The following DYNC1I1 variants were observed in gnomAD, a reference collection of about 807,000 sequenced individuals.
DYNC1I1 encodes the protein cytoplasmic dynein 1 intermediate chain 1.
In DYNC1I1, 43 loss-of-function variants were observed where a neutral mutation model predicts 86.6. The observed-to-expected ratio is 0.50, with a 90% CI of 0.39 to 0.64. The LOEUF (loss-of-function observed/expected upper bound fraction) is 0.64. Ranked by LOEUF, DYNC1I1 falls within the 30% of genes least tolerant of loss-of-function variation. The probability of loss-of-function intolerance (pLI) is 0.00; values close to 1 mark genes in which losing one functional copy is unlikely to be tolerated. For missense variants in DYNC1I1, 604 were observed against 788.8 expected (o/e 0.77, Z 2.81); for synonymous variants, 262 against 283.7 (o/e 0.92, Z 0.77).
intron 13 of DYNC1I1, 31 bp downstream of exon 13, chr7:96,035,783 G>T: frequency 6.2e-7 from 1 of 1,606,566 alleles, no homozygotes; most frequent in Non-Finnish European, 8.5e-7. Context: ...CTGATGACAT[G>T]TTCTTCATTT....
intron 6 of DYNC1I1, among the ~76,000 whole-genome samples, chr7:95,925,241 TG>T (rs1456488279): frequency 6.6e-6 from 1 of 152,178 alleles, no homozygotes; most frequent in Admixed American, 6.5e-5. Context: ...AGTACATGTT[TG>T]GATGTTCACC....
chr7:96,020,788 A>G (rs572873477), intron 10 of DYNC1I1, among the ~76,000 whole-genome samples: 17 of 152,334 alleles, frequency 1.1e-4, no homozygotes, highest in African/African-American at 4.1e-4. Context: ...TGGTTTATGC[A>G]TGCAATGGAA....
intron 1 of DYNC1I1, among the ~76,000 whole-genome samples, chr7:95,799,960 AGG>A (rs1794539158): frequency 6.6e-6 from 1 of 151,518 alleles, no homozygotes; most frequent in South Asian, 2.1e-4. Flanking sequence ...GAAGAGGAGG[AGG>A]AGGAGAAGGA....
chr7:95,951,832 C>T lies in DYNC1I1; in HGVS notation c.491-25680C>T, dbSNP rs151050492. On this transcript the variant is annotated intron_variant, in intron 6 of 16. Coordinates refer to ENST00000447467, the MANE Select transcript of DYNC1I1 (RefSeq NM_001135556.2). ...ATGCTTCTTACCTTGGAGACTTCAT[C>T]AGACTCTCAGCCAAGTCAAGGTCAG... is the stretch of plus-strand genomic sequence containing the variant. Among the ~76,000 whole-genome samples the T allele has an allele frequency of 3.9e-5, 6 of 152,288 alleles. No homozygotes were observed. The East Asian group carries it at 7.8e-4, about 20-fold the overall frequency.
At chr7:95,810,347 C>G in intron 2 of DYNC1I1, 45 bp from the exon 3 acceptor site, 1 of 1,506,442 alleles carries the variant, frequency 6.6e-7, no homozygotes, top group Non-Finnish European at 9.0e-7. Context: ...GAAAAGCATA[C>G]ATTTAGTTAT....
chr7:96,072,006 C>A (rs538144824), intron 14 of DYNC1I1, among the ~76,000 whole-genome samples: 87 of 152,204 alleles, frequency 5.7e-4, no homozygotes, highest in Non-Finnish European at 1.0e-3. Flanking sequence ...TACCACTTAA[C>A]AACCTTTGTG....
At chr7:95,882,521 C>T (rs1790482116) in intron 6 of DYNC1I1, among the ~76,000 whole-genome samples, 1 of 152,176 alleles carries the variant, frequency 6.6e-6, no homozygotes, top group African/African-American at 2.4e-5. Context: ...TAAATAGTGT[C>T]CCCATCATCT....
At chr7:95,828,189 G>A in intron 5 of DYNC1I1, 73 bp downstream of exon 5, 1 of 1,548,294 alleles carries the variant, frequency 6.5e-7, no homozygotes, top group Non-Finnish European at 8.9e-7. Flanking sequence ...TGGAGCTGTT[G>A]TTGCTCTTGT....
At chr7:95,897,264 TAG>T (rs1790906530) in intron 6 of DYNC1I1, among the ~76,000 whole-genome samples, 1 of 152,190 alleles carries the variant, frequency 6.6e-6, no homozygotes, top group South Asian at 2.1e-4. Flanking sequence ...TTGAACTTTA[TAG>T]AAAGGCACTT....
intron 10 of DYNC1I1, among the ~76,000 whole-genome samples, chr7:96,013,891 T>A (rs1021670137): frequency 6.6e-6 from 1 of 152,178 alleles, no homozygotes; most frequent in African/African-American, 2.4e-5. Flanking sequence ...ATTGTACCCA[T>A]GAAGAAATTA....
At chr7:95,796,458 A>G (rs1327268979) in intron 1 of DYNC1I1, among the ~76,000 whole-genome samples, 2 of 152,060 alleles carry the variant, frequency 1.3e-5, no homozygotes, top group East Asian at 3.9e-4. Context: ...TTACAGGCGC[A>G]TGCCACCATG....
chr7:95,948,895 G>A (rs1459014426), intron 6 of DYNC1I1, among the ~76,000 whole-genome samples: 1 of 152,212 alleles, frequency 6.6e-6, no homozygotes, highest in Non-Finnish European at 1.5e-5. Flanking sequence ...CAGATAGGCA[G>A]TTAGCTTTAT....
At chr7:95,898,449 A>G (rs773110028) in intron 6 of DYNC1I1, among the ~76,000 whole-genome samples, 65 of 152,094 alleles carry the variant, frequency 4.3e-4, no homozygotes, top group Non-Finnish European at 8.4e-4. Context: ...GTTCCCCCAT[A>G]TGCTATTTAC....
In DYNC1I1 at chr7:95,831,387, T is replaced by C. The variant is rs548111368; in HGVS notation, c.374+3271T>C. 9.2e-5 allele frequency among the ~76,000 whole-genome samples: 14 copies of C among 152,284 alleles called. No homozygotes were observed. The South Asian group carries it at 2.9e-3, about 32-fold the overall frequency. On this transcript the variant is annotated intron_variant, in intron 5 of 16. Transcript: ENST00000447467. Reference sequence around the variant, plus strand: ...GGAGGAGATTTTTTGCTTTGTTTTATTTTGAGACAGAGTCTCACTCTGTCA... The same window carrying C: ...GGAGGAGATTTTTTGCTTTGTTTTACTTTGAGACAGAGTCTCACTCTGTCA...
chr7:95,895,373 C>T (rs1182101330), intron 6 of DYNC1I1, among the ~76,000 whole-genome samples: 2 of 152,200 alleles, frequency 1.3e-5, no homozygotes, highest in Non-Finnish European at 2.9e-5. Flanking sequence ...AAATGCCAAA[C>T]AACCATAGAA....
At chr7:95,956,380 C>CT (rs57664357) in intron 6 of DYNC1I1, among the ~76,000 whole-genome samples, 20,154 of 139,974 alleles carry the variant, frequency 0.14, 1,540 homozygotes, top group East Asian at 0.31. Flanking sequence ...CTTTTTTTCT[C>CT]TTTTTTTTTT....
rs567862057 is a variant in DYNC1I1, at chr7:95,919,028, CT to C, written c.490+49034del. ...GGGAGGGACACTGAAGAAGTTGTTC[CT>C]TTTGTACAGAGTAGGCAACTCAGAA... On this transcript the variant is annotated intron_variant, in intron 6 of 16. Coordinates refer to ENST00000447467, the MANE Select transcript of DYNC1I1 (RefSeq NM_001135556.2). Among the ~76,000 whole-genome samples, 188 of 152,034 alleles carry C rather than the reference CT, an allele frequency of 1.2e-3. 1 individual carries two copies. The highest frequency in any genetic ancestry group is 4.2e-3 in the African/African-American group (173 of 41,382).
In DYNC1I1 at chr7:96,050,458, T is replaced by C. The variant is rs188152595; in HGVS notation, c.1509+11037T>C. 3.3e-3 allele frequency among the ~76,000 whole-genome samples: 498 copies of C among 152,352 alleles called. 2 individuals are homozygous for C. The highest frequency in any genetic ancestry group is 0.011 in the African/African-American group (467 of 41,586). Reference sequence around the variant, plus strand: ...TTAGAGAAAATGCAATCATTGTCAATTCTCTTTGTGATTTGAATAGTTAAT... The same window carrying C: ...TTAGAGAAAATGCAATCATTGTCAACTCTCTTTGTGATTTGAATAGTTAAT... On this transcript the variant is annotated intron_variant, in intron 14 of 16. Transcript: ENST00000447467.
At chr7:95,775,966 C>G (rs1367808155) in intron 1 of DYNC1I1, among the ~76,000 whole-genome samples, 1 of 152,156 alleles carries the variant, frequency 6.6e-6, no homozygotes, top group East Asian at 1.9e-4. Context: ...TTCCTCTTGA[C>G]TGGGCACAGT....
Sources: allele counts gnomAD v4.1 joint callset (sites outside exome capture counted in the v4.1 genomes callset), GRCh38; gene constraint gnomAD v4.1.1; transcripts MANE v1.5; gene names NCBI Gene and HGNC (gene_info 2026-07-23, HGNC 2026-07-21).